The following NFS1 variants were observed in gnomAD, a reference collection of about 807,000 sequenced individuals.
The protein encoded by NFS1 is NFS1 cysteine desulfurase.
A neutral mutation model predicts 57.3 loss-of-function variants in NFS1; 26 were observed. The observed-to-expected ratio is 0.45, with a 90% confidence interval of 0.33 to 0.63. NFS1 has a LOEUF of 0.63. NFS1 is among the 20% of genes least tolerant of loss of function. NFS1 has a pLI of 0.02. For missense variants in NFS1, 505 were observed against 605.8 expected (o/e 0.83, Z 1.75); for synonymous variants, 209 against 216.3 (o/e 0.97, Z 0.30).
At chr20:35,678,539 A>AG (rs1192037385) in intron 7 of NFS1, among the ~76,000 whole-genome samples, 1 of 150,256 alleles carries the variant, frequency 6.7e-6, no homozygotes, top group Non-Finnish European at 1.5e-5. Context: ...AAAAAAAAAA[A>AG]AAAAAAAAAT....
intron 2 of NFS1, 147 bp downstream of exon 2, chr20:35,698,334 G>C: frequency 3.1e-6 from 2 of 647,074 alleles, no homozygotes; most frequent in South Asian, 2.0e-5. Context: ...CAGTGGCCTC[G>C]AATTTAAGCC....
intron 11 of NFS1, 58 bp from the exon 12 acceptor site, chr20:35,672,902 C>T (rs1287769264): frequency 1.0e-6 from 1 of 1,000,034 alleles, no homozygotes; most frequent in Non-Finnish European, 1.5e-6. Context: ...GGGATAAATT[C>T]ATTCCGCAAA....
chr20:35,669,502 C>G lies in NFS1; in HGVS notation c.*120G>C. 1 of 813,822 alleles carries G rather than the reference C, an allele frequency of 1.2e-6. No homozygotes were observed. Among genetic ancestry groups the G allele is most frequent in the Non-Finnish European group, 2.1e-6 (1 of 474,630 alleles). 50.4% of individuals were successfully genotyped at this position (813,822 alleles called of 1,614,324 possible). ...TTTCTGTCATAGAGGTGGACTGATGCTGAAGTCAACTGGTCTATACCAATC... is the reference window on the plus strand; with the variant it reads ...TTTCTGTCATAGAGGTGGACTGATGGTGAAGTCAACTGGTCTATACCAATC... On this transcript the variant is annotated 3_prime_UTR_variant, in exon 13 of 13. Coordinates refer to ENST00000374092, the MANE Select transcript of NFS1 (RefSeq NM_021100.5).
chr20:35,684,759 A>G (rs924286250), intron 5 of NFS1, among the ~76,000 whole-genome samples: 1 of 151,832 alleles, frequency 6.6e-6, no homozygotes, highest in South Asian at 2.1e-4. Flanking sequence ...TCAATAAAAA[A>G]TAAATAAAAA....
At chr20:35,677,015 C>T (rs535318979) in intron 7 of NFS1, among the ~76,000 whole-genome samples, 3 of 152,110 alleles carry the variant, frequency 2.0e-5, no homozygotes, top group African/African-American at 4.8e-5. Context: ...TACAGGCACC[C>T]GCCACCACGC....
chr20:35,681,232 TAAA>T (rs55745216), intron 6 of NFS1, among the ~76,000 whole-genome samples: 36 of 141,886 alleles, frequency 2.5e-4, no homozygotes, highest in African/African-American at 7.6e-4. Context: ...CAAAACAAAA[TAAA>T]AAAAAAAAAA....
chr20:35,687,010 C>G (rs572117334), intron 5 of NFS1, among the ~76,000 whole-genome samples: 1 of 152,286 alleles, frequency 6.6e-6, no homozygotes, highest in South Asian at 2.1e-4. Flanking sequence ...TTCTGTTATG[C>G]GTGGACAGGG....
rs2034708746 is a variant in NFS1, at chr20:35,674,561, C to T, written c.1005G>A (p.Lys335=). 2 of 1,614,044 alleles carry T rather than the reference C, an allele frequency of 1.2e-6. No individual in the cohort carries two copies. The highest frequency in any genetic ancestry group is 1.7e-6 in the Non-Finnish European group (2 of 1,180,032). The part of the protein sequence containing the change: ...LSERLIQNIM[K]SLPDVVMNGD... ...CATTCATCACCACATCTGGAAGGCT[C>T]TTCATTATATTCTGTATCAGCCGCT... The change falls in exon 9 of 13, where the codon AAG becomes AAA. Residue 335 remains lysine (K), a synonymous_variant. Transcript: ENST00000374092.
Position 35,668,488 on chromosome 20 carries a change from G to T in NFS1, c.*1134C>A, listed in dbSNP as rs544122811. ...CTCTAGTTACAATGGCCTTCTCTTG[G>T]TTTCTAAAGTATAATACTTTGTGCT... is the stretch of plus-strand genomic sequence containing the variant. On this transcript the variant is annotated 3_prime_UTR_variant, in exon 13 of 13. Transcript: ENST00000374092. The T allele has an allele frequency of 6.6e-6, 1 of 152,276 alleles. No homozygotes were observed. Among genetic ancestry groups the T allele is most frequent in the South Asian group, 2.1e-4 (1 of 4,832 alleles). The allele number at this position is 152,276 out of a possible 1,614,324, so 9.4% of individuals were successfully genotyped here.
intron 1 of NFS1, chr20:35,698,795 G>A (rs1207457810): frequency 1.2e-5 from 16 of 1,388,902 alleles, no homozygotes; most frequent in Non-Finnish European, 1.5e-5. Context: ...GTTCCTGGAG[G>A]GGGTGTTGAG....
In NFS1 at chr20:35,674,403, C is replaced by T; in HGVS notation, c.1083G>A (p.Val361=). The T allele has an allele frequency of 4.3e-6, 7 of 1,614,104 alleles. No homozygotes were observed. The highest frequency in any genetic ancestry group is 5.9e-6 in the Non-Finnish European group (7 of 1,180,012). The change falls in exon 10 of 13, where the codon GTG becomes GTA. Residue 361 remains valine, a synonymous_variant. Coordinates refer to ENST00000374092, the MANE Select transcript of NFS1 (RefSeq NM_021100.5). Reference sequence around the variant, plus strand: ...GTGCCATCAGCAGACTTTCCCCTTCCACATATGCAAAGGAGAGGTTGATAC... The same window carrying T: ...GTGCCATCAGCAGACTTTCCCCTTCTACATATGCAAAGGAGAGGTTGATAC... ...PGCINLSFAY[V]EGESLLMALK...
At chr20:35,683,860 G>GCTCACACCTGGGTATGGTGA (rs2034893665) in intron 5 of NFS1, among the ~76,000 whole-genome samples, 2 of 151,498 alleles carry the variant, frequency 1.3e-5, no homozygotes, top group African/African-American at 4.9e-5. Flanking sequence ...GGGTATGGTG[G>GCTCACACCTGGGTATGGTGA]CTCACGCCTG....
chr20:35,681,844 A>G, intron 6 of NFS1, 44 bp downstream of exon 6: 1 of 1,096,940 alleles, frequency 9.1e-7, no homozygotes, highest in Non-Finnish European at 1.4e-6. Flanking sequence ...CCTCATACAG[A>G]GCCCCATGGT....
At position 35,669,268 on chromosome 20, in the gene NFS1, T is replaced by C. The variant is rs780698410; in HGVS notation, c.*354A>G. The C allele has an allele frequency of 5.7e-5, 11 of 193,192 alleles. No individual in the cohort carries two copies. The Admixed American group carries it at 6.4e-4, about 11-fold the overall frequency. 12.0% of individuals were successfully genotyped at this position (193,192 alleles called of 1,614,324 possible). On this transcript the variant is annotated 3_prime_UTR_variant, in exon 13 of 13. Transcript: ENST00000374092. The stretch of plus-strand genomic sequence containing the variant: ...CAGAAGACGAAGACTCAAATGTCCA[T>C]GTAGAGCATCATGGTCCCTGACCAA...
rs1369994604 is a variant in NFS1, at chr20:35,699,220, C to T, written c.69G>A (p.Ala23=). The change falls in exon 1 of 13, where the codon GCG becomes GCA. Residue 23 remains alanine, a synonymous_variant. Coordinates refer to ENST00000374092, the MANE Select transcript of NFS1 (RefSeq NM_021100.5). The surrounding 1 kb of genome is among the most constrained non-coding windows in gnomAD (Gnocchi z 4.4). ...AVTAAPGPKP[A]APTRGLRLRV... ...GCAGGCGCAGCCCCCGAGTGGGCGC[C>T]GCGGGCTTCGGCCCTGGAGCCGCTG... 5.6e-6 allele frequency: 8 copies of T among 1,428,140 alleles called. No homozygotes were observed. Among genetic ancestry groups the T allele is most frequent in the East Asian group, 2.9e-5 (1 of 34,256 alleles). 88.5% of individuals were successfully genotyped at this position (1,428,140 alleles called of 1,614,324 possible).
intron 7 of NFS1, chr20:35,675,449 A>G (rs2034724239): frequency 1.8e-6 from 1 of 551,376 alleles, no homozygotes; most frequent in East Asian, 3.2e-5. Context: ...TCCCTATGCT[A>G]TATGAAATGC....
intron 5 of NFS1, among the ~76,000 whole-genome samples, chr20:35,685,890 G>C (rs2034932391): frequency 6.8e-6 from 1 of 148,050 alleles, no homozygotes; most frequent in African/African-American, 2.5e-5. Context: ...AAGAAACACA[G>C]GGGTAAAACT....
At position 35,674,531 on chromosome 20, in the gene NFS1, G is replaced by A. The variant is rs762696054; in HGVS notation, c.1035C>T (p.Asp345=). 4.3e-6 allele frequency: 7 copies of A among 1,613,720 alleles called. No individual in the cohort carries two copies. In the Admixed American group the frequency reaches 5.0e-5, roughly 12 times the overall value. ...CCATACCGGGATAATGGTGCTTAGG[G>A]TCCCCATTCATCACCACATCTGGAA... ...KSLPDVVMNG[D]PKHHYPGCIN... Residue 345 remains aspartate (D), a synonymous_variant, in exon 9 of 13, where the codon GAC becomes GAT. Coordinates refer to ENST00000374092, the MANE Select transcript of NFS1 (RefSeq NM_021100.5).
intron 7 of NFS1, among the ~76,000 whole-genome samples, chr20:35,676,555 C>T (rs2034748502): frequency 1.3e-5 from 2 of 151,236 alleles, no homozygotes; most frequent in African/African-American, 4.9e-5. Flanking sequence ...CACTGCACTC[C>T]AGCCTAGTGA....
Sources: gnomAD v4.1 joint callset for allele counts (sites outside exome capture counted in the v4.1 genomes callset) on GRCh38, gnomAD v4.1.1 for gene constraint, Gnocchi (gnomAD v3.1) non-coding constraint, MANE v1.5 for transcripts, NCBI Gene and HGNC (gene_info 2026-07-23, HGNC 2026-07-21) for gene names.